Variants in CIT observed in about 807,000 individuals in gnomAD.
The protein encoded by CIT is citron Rho-interacting kinase.
Under a neutral mutation model 272.7 loss-of-function variants are expected in CIT, and 79 were observed. The ratio of observed to expected loss-of-function variants is 0.29; its 90% confidence interval spans 0.24 to 0.35. The LOEUF (loss-of-function observed/expected upper bound fraction) is 0.35. Among genes scored for constraint, CIT ranks in the 10% least tolerant of loss-of-function variants. The pLI is 1.00. For missense variants in CIT, 1,909 were observed against 2,618.3 expected, an observed-to-expected ratio of 0.73 and a Z score of 5.91; for synonymous variants, 948 against 995.6, an observed-to-expected ratio of 0.95 and a Z score of 0.90.
intron 10 of CIT, among the ~76,000 whole-genome samples, chr12:119,786,460 G>T (rs1288059856): frequency 6.6e-6 from 1 of 152,178 alleles, no homozygotes; most frequent in Non-Finnish European, 1.5e-5. Context: ...TGGTACACTG[G>T]ATATGAACAC....
Position 119,712,154 on chromosome 12 carries a change from T to C in CIT, c.4854+24A>G. The stretch of plus-strand genomic sequence containing the variant: ...GTCAGCCCCCTTTACAAAGACAACC[T>C]CCAGGGCCCGCTTTCATACTCACAG... On this transcript the variant is annotated intron_variant, in intron 37 of 47. Transcript: ENST00000392521. This position sits in a 1 kb window ranked among gnomAD's most constrained non-coding sequence, Gnocchi z 5.2. The C allele has an allele frequency of 6.4e-7, 1 of 1,558,266 alleles. No individual in the cohort carries two copies. The highest frequency in any genetic ancestry group is 1.2e-5 in the South Asian group (1 of 82,442).
chr12:119,758,821 C>G lies in CIT; in HGVS notation c.2422-121G>C, dbSNP rs1229276380. The G allele has an allele frequency of 5.6e-6, 4 of 715,944 alleles. No homozygotes were observed. In the East Asian group the frequency reaches 1.0e-4, roughly 18 times the overall value. The allele number at this position is 715,944 out of a possible 1,614,324, so 44.3% of individuals were successfully genotyped here. Reference sequence around the variant, plus strand: ...ATTTGGCTAGAGGTAACAAGGCACTCAACTAGTCTGTACTCTGAGGATCAC... The same window carrying G: ...ATTTGGCTAGAGGTAACAAGGCACTGAACTAGTCTGTACTCTGAGGATCAC... On this transcript the variant is annotated intron_variant, in intron 20 of 47. Transcript: ENST00000392521.
chr12:119,850,633 T>C (rs1246536658), intron 4 of CIT, among the ~76,000 whole-genome samples: 1 of 152,204 alleles, frequency 6.6e-6, no homozygotes, highest in African/African-American at 2.4e-5. Flanking sequence ...GCTCAATTCT[T>C]TACCTAACAT....
chr12:119,811,042 A>G (rs1013831106), intron 9 of CIT, among the ~76,000 whole-genome samples: 6 of 152,110 alleles, frequency 3.9e-5, no homozygotes, highest in African/African-American at 1.4e-4. Context: ...ACGAAGTTCA[A>G]GACCGGGCCT....
chr12:119,755,607 G>A (rs2137447680), intron 22 of CIT, among the ~76,000 whole-genome samples: 1 of 152,286 alleles, frequency 6.6e-6, no homozygotes, highest in Non-Finnish European at 1.5e-5. Flanking sequence ...GTCTCTGCTG[G>A]TGCCAGCGAA....
intron 44 of CIT, among the ~76,000 whole-genome samples, chr12:119,700,186 GAGAGCC>G (rs1287771690): frequency 9.2e-5 from 14 of 152,200 alleles, no homozygotes; most frequent in African/African-American, 3.1e-4. Context: ...TTTCTATCAT[GAGAGCC>G]TAGCAAATAT....
In CIT at chr12:119,776,849, A is replaced by G; in HGVS notation, c.1666-7T>C. 1 of 1,613,512 alleles carries G rather than the reference A, an allele frequency of 6.2e-7. No individual in the cohort carries two copies. Among genetic ancestry groups the G allele is most frequent in the Non-Finnish European group, 8.5e-7 (1 of 1,179,998 alleles). The stretch of plus-strand genomic sequence containing the variant: ...CCACTTGAGCCTGGTACTCCTAAAG[A>G]GCAGGCAATGAAATAAAAGAGAACT... On this transcript the variant is annotated splice_polypyrimidine_tract_variant and splice_region_variant and intron_variant, in intron 13 of 47. Transcript: ENST00000392521.
In CIT at chr12:119,700,741, G is replaced by A. The variant is rs760602501; in HGVS notation, c.5623+4C>T. The A allele has an allele frequency of 1.1e-5, 17 of 1,571,412 alleles. No individual in the cohort carries two copies. The highest frequency in any genetic ancestry group is 6.8e-5 in the Admixed American group (4 of 58,934). On this transcript the variant is annotated splice_donor_region_variant and intron_variant, in intron 44 of 47. Coordinates refer to ENST00000392521, the MANE Select transcript of CIT (RefSeq NM_001206999.2). ...GAGAAGCCCCCACACTGAGCCTCACGTACCAAAGGCCAAAGGTAAGCGACT... is the reference window on the plus strand; with the variant it reads ...GAGAAGCCCCCACACTGAGCCTCACATACCAAAGGCCAAAGGTAAGCGACT...
At chr12:119,776,500 A>G in intron 14 of CIT, 92 bp from the exon 15 acceptor site, 1 of 1,192,200 alleles carries the variant, frequency 8.4e-7, no homozygotes, top group Non-Finnish European at 1.2e-6. Context: ...CCAAGATAAT[A>G]ATAGTAAATA....
At chr12:119,807,684 G>C (rs532692865) in intron 9 of CIT, among the ~76,000 whole-genome samples, 18 of 152,016 alleles carry the variant, frequency 1.2e-4, no homozygotes, top group African/African-American at 4.3e-4. Context: ...CCACAAACAG[G>C]GTACTTGATG....
At chr12:119,850,149 C>G (rs1463285361) in intron 5 of CIT, 25 bp downstream of exon 5, 1 of 1,398,970 alleles carries the variant, frequency 7.1e-7, no homozygotes, top group Admixed American at 1.7e-5. Context: ...AGGCTAATTC[C>G]AGAGAGACAG....
At chr12:119,868,575 G>A (rs1950579392) in intron 3 of CIT, among the ~76,000 whole-genome samples, 1 of 152,138 alleles carries the variant, frequency 6.6e-6, no homozygotes, top group Non-Finnish European at 1.5e-5. Flanking sequence ...GTCTCACTCT[G>A]TCACCCAGAC....
At chr12:119,811,399 C>T (rs1191665258) in intron 9 of CIT, among the ~76,000 whole-genome samples, 1 of 152,176 alleles carries the variant, frequency 6.6e-6, no homozygotes, top group African/African-American at 2.4e-5. Context: ...CTTTGCCTCC[C>T]CAAAAAGTCA....
At chr12:119,707,466 C>A (rs1434274191) in intron 40 of CIT, among the ~76,000 whole-genome samples, 4 of 152,048 alleles carry the variant, frequency 2.6e-5, no homozygotes, top group South Asian at 2.1e-4. Flanking sequence ...AGGATTCTCA[C>A]ACTTGTGTGC....
At position 119,700,773 on chromosome 12, in the gene CIT, G is replaced by A. The variant is rs758134523; in HGVS notation, c.5595C>T (p.Leu1865=). ...AGGCCAAAGGTAAGCGACTCCACTT[G>A]AGATCGTCTGTGCGGCTACGTCTTC... is the stretch of plus-strand genomic sequence containing the variant. ...SYGRRSRTDD[L]KWSRLPLAFA... Residue 1865 remains leucine (L), a synonymous_variant, in exon 44 of 48, where the codon CTC becomes CTT. Transcript: ENST00000392521. 6.2e-7 allele frequency: 1 copy of A among 1,614,076 alleles called. No homozygotes were observed. The highest frequency in any genetic ancestry group is 1.1e-5 in the South Asian group (1 of 91,078).
intron 24 of CIT, among the ~76,000 whole-genome samples, chr12:119,741,255 T>C (rs1407812040): frequency 6.6e-6 from 1 of 152,090 alleles, no homozygotes; most frequent in Non-Finnish European, 1.5e-5. Flanking sequence ...GAGCACATCC[T>C]CTGTGATTCC....
intron 9 of CIT, among the ~76,000 whole-genome samples, chr12:119,808,603 A>G (rs1346384222): frequency 6.6e-6 from 1 of 152,184 alleles, no homozygotes; most frequent in Non-Finnish European, 1.5e-5. Context: ...TGGGAGATGA[A>G]TAAGAGCCAG....
chr12:119,754,973 T>C (rs1049374200), intron 22 of CIT, among the ~76,000 whole-genome samples: 6 of 152,194 alleles, frequency 3.9e-5, no homozygotes, highest in Non-Finnish European at 5.9e-5. Flanking sequence ...CTGGATTGTT[T>C]AGACTCAAAC....
At chr12:119,702,002 G>A in intron 41 of CIT, 44 bp from the exon 42 acceptor site, 1 of 1,433,008 alleles carries the variant, frequency 7.0e-7, no homozygotes, top group Non-Finnish European at 9.8e-7. Flanking sequence ...AGGTAACACA[G>A]GGCAGCCAAG....
Sources: allele counts gnomAD v4.1 joint callset (sites outside exome capture counted in the v4.1 genomes callset), GRCh38; gene constraint gnomAD v4.1.1; non-coding constraint Gnocchi (gnomAD v3.1); transcripts MANE v1.5; gene names NCBI Gene and HGNC (gene_info 2026-07-23, HGNC 2026-07-21).